ORC3: variants seen among roughly 807,000 people sequenced by gnomAD.
The protein encoded by ORC3 is origin recognition complex subunit 3, also known as homolog of latheo, Drosophila.
In ORC3, 78 loss-of-function variants were observed where a neutral mutation model predicts 100.7. The ratio of observed to expected loss-of-function variants is 0.77; its 90% CI spans 0.65 to 0.94. The LOEUF is 0.94. Among genes scored for constraint, ORC3 ranks in the 40% least tolerant of loss-of-function variants. The pLI, the probability that ORC3 is intolerant of heterozygous loss-of-function variation, is 0.00. For missense variants in ORC3, 789 were observed against 823.9 expected (o/e 0.96, Z 0.52); for synonymous variants, 295 against 289.3 (o/e 1.02, Z -0.20).
chr6:87,655,927 T>G (rs28381519), intron 14 of ORC3, among the ~76,000 whole-genome samples: 1,700 of 152,310 alleles, frequency 0.011, 29 homozygotes, highest in African/African-American at 0.039. Context: ...GAACCAGAAA[T>G]TAGCTGTAGC....
chr6:87,595,645 C>T (rs549307884), intron 2 of ORC3, among the ~76,000 whole-genome samples: 7 of 152,250 alleles, frequency 4.6e-5, no homozygotes, highest in Non-Finnish European at 8.8e-5. Context: ...GCACCAGGGT[C>T]CCACACAGTT....
intron 11 of ORC3, among the ~76,000 whole-genome samples, chr6:87,623,653 G>T (rs1246083696): frequency 6.6e-6 from 1 of 152,176 alleles, no homozygotes; most frequent in Non-Finnish European, 1.5e-5. Flanking sequence ...TGAGGCCTGG[G>T]TGGGTGGATC....
chr6:87,665,741 G>A lies in ORC3; in HGVS notation c.1951-13G>A, dbSNP rs569676755. 137 of 1,571,272 alleles carry A rather than the reference G, an allele frequency of 8.7e-5. 1 individual carries two copies. In the South Asian group the frequency reaches 9.5e-4, roughly 11 times the overall value. On this transcript the variant is annotated splice_polypyrimidine_tract_variant and intron_variant, in intron 18 of 19. Transcript: ENST00000392844. ...AGACATTTTTATTTTCTTCTGTCTT[G>A]TCTATTCAAAAGGCTTTTGCAACAG...
rs182867766 is a variant in ORC3, at chr6:87,610,450, C to A, written c.713+1221C>A. 3.1e-3 allele frequency among the ~76,000 whole-genome samples: 475 copies of A among 152,250 alleles called. 4 individuals are homozygous for A. Among genetic ancestry groups the A allele is most frequent in the African/African-American group, 0.011 (454 of 41,552 alleles). ...TCTCAAACTCCTGACCTCAGGTGAT[C>A]TGCCTTCCTTAGTGCTCTTTGGGGC... On this transcript the variant is annotated intron_variant, in intron 7 of 19. Coordinates refer to ENST00000392844, the MANE Select transcript of ORC3 (RefSeq NM_012381.4).
chr6:87,671,466 G>A (rs1207635316), downstream of ORC3, among the ~76,000 whole-genome samples: 19 of 151,960 alleles, frequency 1.3e-4, no homozygotes. Context: ...ATTTCGAGGT[G>A]TCTACTAGAT....
chr6:87,608,846 C>T, intron 6 of ORC3, among the ~76,000 whole-genome samples: 1 of 151,826 alleles, frequency 6.6e-6, no homozygotes, highest in South Asian at 2.1e-4. Context: ...TCTGTCATTT[C>T]CTTAGCAGAA....
downstream of ORC3, among the ~76,000 whole-genome samples, chr6:87,668,221 G>A (rs1770757693): frequency 6.6e-6 from 1 of 152,140 alleles, no homozygotes. Flanking sequence ...GCAGATATGG[G>A]GGGAAAGTCC....
chr6:87,665,088 G>C lies in ORC3; in HGVS notation c.1950+229G>C, dbSNP rs907328345. On this transcript the variant is annotated intron_variant, in intron 18 of 19. Coordinates refer to ENST00000392844, the MANE Select transcript of ORC3 (RefSeq NM_012381.4). Reference sequence around the variant, plus strand: ...CTCTGATCCTGAATTCCTTAACCAAGCCAATTCTGTGTTCATGCTAGGTCA... The same window carrying C: ...CTCTGATCCTGAATTCCTTAACCAACCCAATTCTGTGTTCATGCTAGGTCA... 3.3e-5 allele frequency among the ~76,000 whole-genome samples: 5 copies of C among 152,132 alleles called. No individual in the cohort carries two copies. The South Asian group carries it at 1.0e-3, about 32-fold the overall frequency.
chr6:87,614,043 T>TA (rs2128256969), intron 8 of ORC3, among the ~76,000 whole-genome samples: 1 of 152,274 alleles, frequency 6.6e-6, no homozygotes, highest in East Asian at 1.9e-4. Context: ...ACATTTCCCT[T>TA]TCACACTGCC....
intron 13 of ORC3, among the ~76,000 whole-genome samples, chr6:87,638,522 T>G (rs113292719): frequency 2.0e-5 from 3 of 152,344 alleles, no homozygotes; most frequent in African/African-American, 4.8e-5. Context: ...TATTTGAAAT[T>G]TTTTATAAGA....
chr6:87,668,264 G>C (rs550451985), downstream of ORC3, among the ~76,000 whole-genome samples: 24 of 152,284 alleles, frequency 1.6e-4, no homozygotes, highest in South Asian at 1.0e-3. Context: ...GCAAACCTTA[G>C]AACTATGTCA....
At chr6:87,599,351 T>A (rs1298509564) in intron 2 of ORC3, among the ~76,000 whole-genome samples, 10 of 136,790 alleles carry the variant, frequency 7.3e-5, no homozygotes, top group Non-Finnish European at 1.4e-4. Context: ...GTCTCTTTTT[T>A]TTATTATTTA....
intron 13 of ORC3, among the ~76,000 whole-genome samples, chr6:87,637,868 T>A (rs1324539144): frequency 1.3e-5 from 2 of 152,228 alleles, no homozygotes; most frequent in Admixed American, 6.5e-5. Flanking sequence ...AGGCACTTTG[T>A]TAGGCACTCT....
rs185706473 is a variant in ORC3 at position 87,625,414 on chromosome 6, T to G, written c.1185+3401T>G. Among the ~76,000 whole-genome samples, 45 of 152,360 alleles carry G rather than the reference T, an allele frequency of 3.0e-4. No individual in the cohort carries two copies. In the East Asian group the frequency reaches 8.5e-3, roughly 29 times the overall value. On this transcript the variant is annotated intron_variant, in intron 11 of 19. Coordinates refer to ENST00000392844, the MANE Select transcript of ORC3 (RefSeq NM_012381.4). ...TGACTGGTGTGAGATGGTATCTCAT[T>G]GTGGTTTTGATTTGCATTTCTCTGA...
downstream of ORC3, among the ~76,000 whole-genome samples, chr6:87,668,475 G>A (rs1251684316): frequency 1.3e-5 from 2 of 152,136 alleles, no homozygotes; most frequent in Non-Finnish European, 2.9e-5. Flanking sequence ...ATGTCAGTAC[G>A]CAAAAAGTTT....
chr6:87,626,312 C>T (rs894190377), intron 11 of ORC3, among the ~76,000 whole-genome samples: 63 of 152,272 alleles, frequency 4.1e-4, no homozygotes, highest in African/African-American at 1.3e-3. Flanking sequence ...TTCTTCCTAT[C>T]CATGAGCATG....
chr6:87,654,459 G>T (rs1769512364), intron 14 of ORC3, among the ~76,000 whole-genome samples: 1 of 152,162 alleles, frequency 6.6e-6, no homozygotes, highest in African/African-American at 2.4e-5. Context: ...GCTGGATGTT[G>T]GTATCATTAA....
chr6:87,667,030 T>G lies in ORC3; in HGVS notation c.2043T>G (p.Ile681Met). 1 of 1,609,158 alleles carries G rather than the reference T, an allele frequency of 6.2e-7. No homozygotes were observed. Among genetic ancestry groups the G allele is most frequent in the South Asian group, 1.1e-5 (1 of 90,034 alleles). Residue 681 changes from isoleucine (I) to methionine (M), a missense_variant, in exon 20 of 20, where the codon ATT becomes ATG. Around this residue, in one of 3 missense-constraint regions of ORC3, gnomAD observed 366 missense variants for 394.2 expected, o/e 0.93. Transcript: ENST00000392844. Reference sequence around the variant, plus strand: ...TTAAAGCCTCCAGTGCTCGGTTTATTAGAGCTGTTTCTGAACTAGAACTTT... The same window carrying G: ...TTAAAGCCTCCAGTGCTCGGTTTATGAGAGCTGTTTCTGAACTAGAACTTT... Reference protein sequence around the residue: ...EMNEIIHARFIRAVSELELLG... With the variant: ...EMNEIIHARFMRAVSELELLG...
At chr6:87,638,563 GCTT>G (rs1767993979) in intron 13 of ORC3, among the ~76,000 whole-genome samples, 1 of 152,044 alleles carries the variant, frequency 6.6e-6, no homozygotes, top group South Asian at 2.1e-4. Context: ...AAGAAAAAAT[GCTT>G]TTTACAGATT....
Sources: allele counts gnomAD v4.1 joint callset (sites outside exome capture counted in the v4.1 genomes callset), GRCh38; gene constraint gnomAD v4.1.1; regional missense constraint gnomAD v4.1.1; transcripts MANE v1.5; gene names NCBI Gene and HGNC (gene_info 2026-07-23, HGNC 2026-07-21).